Variants in RANGAP1 observed in about 807,000 individuals in gnomAD.
RANGAP1 encodes ran GTPase-activating protein 1.
In RANGAP1, 38 loss-of-function variants were observed where a neutral mutation model predicts 63.5. The ratio of observed to expected loss-of-function variants is 0.60; its 90% CI spans 0.46 to 0.78. The LOEUF is 0.78. Ranked by LOEUF, RANGAP1 falls within the 30% of genes least tolerant of loss-of-function variation. The pLI, the probability that RANGAP1 is intolerant of heterozygous loss-of-function variation, is 0.00. For synonymous variants in RANGAP1, 329 were observed against 310.5 expected (o/e 1.06, Z -0.63); for missense variants, 630 against 740.3 (o/e 0.85, Z 1.73).
intron 5 of RANGAP1, among the ~76,000 whole-genome samples, chr22:41,262,745 C>T (rs1439012813): frequency 3.3e-5 from 5 of 152,200 alleles, no homozygotes; most frequent in African/African-American, 7.2e-5. Context: ...CAGCAGCAGC[C>T]GACTGCTAGG....
chr22:41,295,291 A>T, the RANGAP1 span, among the ~76,000 whole-genome samples: 1 of 151,632 alleles, frequency 6.6e-6, no homozygotes, highest in Non-Finnish European at 1.5e-5. Flanking sequence ...GAGAAATCGG[A>T]TGGTTGCCGT....
intron 2 of RANGAP1, among the ~76,000 whole-genome samples, chr22:41,277,117 G>A (rs1348804261): frequency 1.0e-5 from 1 of 97,382 alleles, no homozygotes; most frequent in Non-Finnish European, 1.9e-5. Context: ...TCGCTCTGTT[G>A]CCCAGGCTGG....
rs145401782 is a variant in RANGAP1 at position 41,252,953 on chromosome 22, G to C, written c.1299C>G (p.Asp433Glu). ...APVLSSPPPA[D>E]VSTFLAFPSP... is the part of the protein sequence containing the mutation. ...AGGGAAAAGCCAGGAAGGTGGAGAC[G>C]TCTGCAGGAGGTGGGGAGGACAGCA... is the stretch of plus-strand genomic sequence containing the variant. Residue 433 changes from aspartate (D) to glutamate (E), a missense_variant, in exon 12 of 16, where the codon GAC becomes GAG. Asp to Glu is a conservative substitution (Grantham distance 45). Coordinates refer to ENST00000356244, the MANE Select transcript of RANGAP1 (RefSeq NM_002883.4). 60 of 1,543,890 alleles carry C rather than the reference G, an allele frequency of 3.9e-5. No homozygotes were observed. The African/African-American group carries it at 7.1e-4, about 18-fold the overall frequency.
chr22:41,285,454 T>C, intron 1 of RANGAP1: 5 of 962,412 alleles, frequency 5.2e-6, no homozygotes, highest in Non-Finnish European at 6.2e-6. Context: ...AAAGGGCTAA[T>C]AGAGAAACAT....
At chr22:41,282,212 G>A (rs1383226493) in intron 1 of RANGAP1, 1 of 152,226 alleles carries the variant, frequency 6.6e-6, no homozygotes, top group African/African-American at 2.4e-5. Flanking sequence ...TGAGGCAGGA[G>A]GATCATTTGA....
At chr22:41,251,916 G>A (rs1306209463) in intron 12 of RANGAP1, among the ~76,000 whole-genome samples, 2 of 152,224 alleles carry the variant, frequency 1.3e-5, no homozygotes, top group African/African-American at 2.4e-5. Flanking sequence ...GATTTATCAT[G>A]TTAAAAGAAA....
upstream of RANGAP1, among the ~76,000 whole-genome samples, chr22:41,289,878 C>A (rs1167213763): frequency 3.9e-5 from 6 of 152,144 alleles, no homozygotes; most frequent in African/African-American, 1.4e-4. Flanking sequence ...CATGGTGGCT[C>A]ACAACCAACT....
At chr22:41,298,174 T>C in the RANGAP1 span, among the ~76,000 whole-genome samples, 2 of 152,054 alleles carry the variant, frequency 1.3e-5, no homozygotes, top group African/African-American at 4.8e-5. Context: ...AGCTAATTTT[T>C]GTATTTTTAG....
chr22:41,248,358 G>C (rs893045643), intron 15 of RANGAP1, among the ~76,000 whole-genome samples: 4 of 152,226 alleles, frequency 2.6e-5, no homozygotes, highest in Non-Finnish European at 4.4e-5. Context: ...CAGAAGGTAA[G>C]GCCTGGCTAA....
At position 41,254,377 on chromosome 22, in the gene RANGAP1, CTCT is replaced by C. The variant is rs750303765; in HGVS notation, c.1188_1190del (p.Glu397del). The C allele has an allele frequency of 1.8e-5, 29 of 1,613,974 alleles. No homozygotes were observed. The highest frequency in any genetic ancestry group is 2.2e-5 in the Non-Finnish European group (26 of 1,179,890). On this transcript the variant is annotated inframe_deletion, in exon 11 of 16. Coordinates refer to ENST00000356244, the MANE Select transcript of RANGAP1 (RefSeq NM_002883.4). ...TCTCTCCCTGCCCTCGCTGCTGAGG[CTCT>C]TCTTCCTCCTCCTCCTCCTCTTCTT... is the stretch of plus-strand genomic sequence containing the variant.
intron 2 of RANGAP1, among the ~76,000 whole-genome samples, chr22:41,279,434 C>T (rs2035362064): frequency 1.3e-5 from 2 of 151,718 alleles, no homozygotes; most frequent in South Asian, 4.2e-4. Context: ...TGCACCACTG[C>T]ACTCCAGCCT....
In RANGAP1 at chr22:41,254,311, A is replaced by G; in HGVS notation, c.1257T>C (p.Thr419=). ...TPSRKILDPN[T]GEPAPVLSSP... The stretch of plus-strand genomic sequence containing the variant: ...GTGGCAGATGATAGAAACTCACCCC[A>G]GTGTTAGGGTCCAGAATCTTCCGTG... Residue 419 remains threonine (T), a synonymous_variant, in exon 11 of 16, where the codon ACT becomes ACC. Transcript: ENST00000356244. 1 of 1,614,042 alleles carries G rather than the reference A, an allele frequency of 6.2e-7. No homozygotes were observed. The highest frequency in any genetic ancestry group is 8.5e-7 in the Non-Finnish European group (1 of 1,180,018).
chr22:41,297,881 TG>T, the RANGAP1 span, among the ~76,000 whole-genome samples: 1 of 143,214 alleles, frequency 7.0e-6, no homozygotes, highest in African/African-American at 2.6e-5. Flanking sequence ...TTTTTTGAGA[TG>T]GAGTCTCGCT....
At chr22:41,259,109 T>C (rs1440224900) in intron 6 of RANGAP1, among the ~76,000 whole-genome samples, 1 of 152,126 alleles carries the variant, frequency 6.6e-6, no homozygotes, top group East Asian at 1.9e-4. Flanking sequence ...TCTATCACGG[T>C]GGTCCTCATC....
At chr22:41,297,749 T>C in the RANGAP1 span, among the ~76,000 whole-genome samples, 321 of 150,528 alleles carry the variant, frequency 2.1e-3, 1 homozygote, top group Middle Eastern at 6.9e-3. Flanking sequence ...GGAGTGCAGT[T>C]GTGTGATCTT....
intron 2 of RANGAP1, among the ~76,000 whole-genome samples, chr22:41,274,986 AAAG>A (rs1569204246): frequency 6.6e-6 from 1 of 152,070 alleles, no homozygotes; most frequent in Non-Finnish European, 1.5e-5. Context: ...TGCTCACAGC[AAAG>A]AAGACTTTGC....
At chr22:41,251,870 C>G (rs569558982) in intron 12 of RANGAP1, among the ~76,000 whole-genome samples, 1 of 152,204 alleles carries the variant, frequency 6.6e-6, no homozygotes, top group South Asian at 2.1e-4. Context: ...TGGTGCTACA[C>G]CAAAGTGATA....
At chr22:41,280,908 C>CA (rs766305718) in intron 2 of RANGAP1, 25 bp downstream of exon 2, 4 of 1,613,466 alleles carry the variant, frequency 2.5e-6, no homozygotes, top group Admixed American at 1.7e-5. Context: ...CTGGACACAC[C>CA]AGTGCACAAC....
In RANGAP1 at chr22:41,258,045, G is replaced by T. The variant is rs752435217; in HGVS notation, c.677C>A (p.Thr226Asn). 195 of 1,613,606 alleles carry T rather than the reference G, an allele frequency of 1.2e-4. 2 individuals are homozygous for T. In the Admixed American group the frequency reaches 3.2e-3, roughly 27 times the overall value. ...PQNGINHPGI[T>N]ALAQAFAVNP... ...GACAGCGAAAGCCTGGGCCAGGGCAGTGATGCCAGGGTGGTTGATCCCATT... is the reference window on the plus strand; with the variant it reads ...GACAGCGAAAGCCTGGGCCAGGGCATTGATGCCAGGGTGGTTGATCCCATT... The change falls in exon 7 of 16, where the codon ACT (threonine) becomes AAT (asparagine). Residue 226 changes from threonine (T) to asparagine (N), a missense_variant. Transcript: ENST00000356244.
Sources: allele counts gnomAD v4.1 joint callset (sites outside exome capture counted in the v4.1 genomes callset), GRCh38; gene constraint gnomAD v4.1.1; transcripts MANE v1.5; gene names NCBI Gene and HGNC (gene_info 2026-07-23, HGNC 2026-07-21).